The following IFT43 variants were observed in gnomAD, a reference collection of about 807,000 sequenced individuals.
The protein encoded by IFT43 is intraflagellar transport 43, also known as intraflagellar transport protein 43 homolog.
A neutral mutation model predicts 32.3 loss-of-function variants in IFT43; 33 were observed. That is an observed-to-expected ratio of 1.02 (90% CI 0.77 to 1.37). The LOEUF is 1.37. IFT43 is among the 40% of genes most tolerant of loss of function. The pLI is 0.00. For synonymous variants in IFT43, 93 were observed against 98.2 expected (o/e 0.95, Z 0.31); for missense variants, 274 against 265.9 (o/e 1.03, Z -0.21).
intron 5 of IFT43, chr14:76,076,490 C>G: frequency 6.5e-7 from 1 of 1,530,504 alleles, no homozygotes; most frequent in Non-Finnish European, 8.9e-7. Flanking sequence ...CTCCTTTGTT[C>G]TCTCCCTGCT....
intron 2 of IFT43, among the ~76,000 whole-genome samples, chr14:76,004,482 A>G (rs2035946445): frequency 6.6e-6 from 1 of 151,826 alleles, no homozygotes; most frequent in Non-Finnish European, 1.5e-5. Flanking sequence ...TAGCACTTTG[A>G]CTATGATGTG....
Position 76,011,527 on chromosome 14 carries a change from T to C in IFT43, c.148-10800T>C, listed in dbSNP as rs548666682. 9.2e-5 allele frequency among the ~76,000 whole-genome samples: 14 copies of C among 152,302 alleles called. No homozygotes were observed. The South Asian group carries it at 1.7e-3, about 18-fold the overall frequency. ...TATCTCCATTGTTAAGGAATGTTTT[T>C]CTCCCCTGCAACTAGCATGTAATAT... On this transcript the variant is annotated intron_variant, in intron 2 of 8. Transcript: ENST00000314067.
intron 3 of IFT43, among the ~76,000 whole-genome samples, chr14:76,025,908 G>A (rs4899578): frequency 0.47 from 71,136 of 152,048 alleles, 16,724 homozygotes; most frequent in Non-Finnish European, 0.51. Flanking sequence ...TCATGATGAA[G>A]ACACCAAAAG....
At chr14:76,011,703 CTA>C (rs1338971199) in intron 2 of IFT43, among the ~76,000 whole-genome samples, 6 of 152,124 alleles carry the variant, frequency 3.9e-5, no homozygotes, top group Non-Finnish European at 8.8e-5. Context: ...CTTGAGAGAA[CTA>C]TGTTTATTCA....
At chr14:76,069,168 G>A (rs1321248945) in intron 5 of IFT43, among the ~76,000 whole-genome samples, 2 of 152,200 alleles carry the variant, frequency 1.3e-5, no homozygotes, top group Admixed American at 6.5e-5. Context: ...CAAAGGGGGA[G>A]CAGGCACGTC....
chr14:76,015,301 C>G (rs1247031274), intron 2 of IFT43, among the ~76,000 whole-genome samples: 1 of 152,200 alleles, frequency 6.6e-6, no homozygotes, highest in Non-Finnish European at 1.5e-5. Context: ...GCATTTCCCT[C>G]TAAATGCCCA....
intron 2 of IFT43, among the ~76,000 whole-genome samples, chr14:76,015,699 T>G (rs2036175101): frequency 6.6e-6 from 1 of 152,204 alleles, no homozygotes; most frequent in Admixed American, 6.5e-5. Context: ...TGTGGCTTTG[T>G]GTTACCTCTT....
At chr14:76,062,879 C>G (rs1048557645) in intron 5 of IFT43, among the ~76,000 whole-genome samples, 2 of 129,990 alleles carry the variant, frequency 1.5e-5, no homozygotes, top group Non-Finnish European at 3.1e-5. Context: ...GTTTGCACCA[C>G]TGCACTCCAG....
At chr14:76,036,656 C>T (rs1460556060) in intron 3 of IFT43, among the ~76,000 whole-genome samples, 1 of 152,146 alleles carries the variant, frequency 6.6e-6, no homozygotes, top group Non-Finnish European at 1.5e-5. Context: ...CCTCCTGTCT[C>T]GGCCTCCCAA....
intron 2 of IFT43, among the ~76,000 whole-genome samples, chr14:75,989,601 T>A (rs1216729118): frequency 1.3e-5 from 2 of 152,232 alleles, no homozygotes; most frequent in Non-Finnish European, 2.9e-5. Flanking sequence ...GGTCATCCTC[T>A]GCCAGAAGTT....
chr14:76,057,207 T>G (rs1466548902), intron 3 of IFT43, among the ~76,000 whole-genome samples: 2 of 151,804 alleles, frequency 1.3e-5, no homozygotes, highest in Non-Finnish European at 2.9e-5. Context: ...GACTTACTTT[T>G]TAAAATCATT....
At chr14:76,025,091 A>T (rs145457192) in intron 3 of IFT43, among the ~76,000 whole-genome samples, 1,969 of 152,298 alleles carry the variant, frequency 0.013, 17 homozygotes, top group African/African-American at 0.019. Flanking sequence ...AGATAAAAAA[A>T]ATATATATAC....
intron 3 of IFT43, among the ~76,000 whole-genome samples, chr14:76,039,316 A>G (rs575255823): frequency 1.0e-3 from 156 of 151,978 alleles, no homozygotes; most frequent in African/African-American, 3.6e-3. Flanking sequence ...GTGCCACCAT[A>G]CTCGCCACGT....
At chr14:76,049,274 C>T in intron 3 of IFT43, among the ~76,000 whole-genome samples, 1 of 152,150 alleles carries the variant, frequency 6.6e-6, no homozygotes, top group East Asian at 1.9e-4. Flanking sequence ...TATTCTTTTC[C>T]ACTAGCTTTC....
At chr14:76,016,863 G>T (rs902863121) in intron 2 of IFT43, among the ~76,000 whole-genome samples, 1 of 152,020 alleles carries the variant, frequency 6.6e-6, no homozygotes, top group African/African-American at 2.4e-5. Flanking sequence ...TTATTGGTGT[G>T]TAAAAACACT....
chr14:76,057,567 AT>A (rs2037043292), intron 3 of IFT43, among the ~76,000 whole-genome samples: 2 of 145,226 alleles, frequency 1.4e-5, no homozygotes, highest in African/African-American at 5.1e-5. Flanking sequence ...AAAAAAAAAA[AT>A]GAATGTAGAA....
In IFT43 at chr14:76,076,745, T is replaced by C. The variant is rs1294157220; in HGVS notation, c.296-5550T>C. On this transcript the variant is annotated intron_variant, in intron 5 of 8. Coordinates refer to ENST00000314067, the MANE Select transcript of IFT43 (RefSeq NM_001102564.3). ...ACTGAAAAGGATCCTTCTGGGACTT[T>C]GCTAGGTAATTAGCATTTTAGTGTG... 4 of 1,602,484 alleles carry C rather than the reference T, an allele frequency of 2.5e-6. No individual in the cohort carries two copies. In the African/African-American group the frequency reaches 4.0e-5, roughly 16 times the overall value.
At chr14:76,058,473 C>T in intron 3 of IFT43, 169 bp from the exon 4 acceptor site, 1 of 665,116 alleles carries the variant, frequency 1.5e-6, no homozygotes, top group Non-Finnish European at 2.5e-6. Context: ...ACAGCATCTT[C>T]AGTTCTCTCA....
chr14:76,034,979 G>T (rs2036572394), intron 3 of IFT43, among the ~76,000 whole-genome samples: 1 of 152,226 alleles, frequency 6.6e-6, no homozygotes, highest in African/African-American at 2.4e-5. Context: ...GGAAGGAAAG[G>T]TAGTTTGATT....
Sources: allele counts gnomAD v4.1 joint callset (sites outside exome capture counted in the v4.1 genomes callset), GRCh38; gene constraint gnomAD v4.1.1; transcripts MANE v1.5; gene names NCBI Gene and HGNC (gene_info 2026-07-23, HGNC 2026-07-21).